SETBP1: variants seen among roughly 807,000 people sequenced by gnomAD.
The protein encoded by SETBP1 is SET-binding protein.
Under a neutral mutation model 101.0 loss-of-function variants are expected in SETBP1, and 9 were observed. The ratio of observed to expected loss-of-function variants is 0.09; its 90% CI spans 0.05 to 0.16. The LOEUF (loss-of-function observed/expected upper bound fraction) is 0.16, where lower values mean the gene tolerates loss of function less well. Ranked by LOEUF, SETBP1 falls within the 10% of genes least tolerant of loss-of-function variation. The pLI, the probability that SETBP1 is intolerant of heterozygous loss-of-function variation, is 1.00. For synonymous variants in SETBP1, 818 were observed against 788.5 expected (o/e 1.04, Z -0.63); for missense variants, 1,858 against 2,033.8 (o/e 0.91, Z 1.66).
rs2071407553 is a variant in SETBP1, at chr18:44,953,262, A to G, written c.3922A>G (p.Thr1308Ala). Residue 1308 changes from threonine (T) to alanine (A), a missense_variant, in exon 4 of 6, where the codon ACG (threonine) becomes GCG (alanine). By Grantham distance (58) the Thr-to-Ala change is moderately conservative (BLOSUM62 0). Coordinates refer to ENST00000649279, the MANE Select transcript of SETBP1 (RefSeq NM_015559.3). ...SKRRSYEGFGTYREKDIQAFK... is the reference protein window; with the variant it reads ...SKRRSYEGFGAYREKDIQAFK... ...AAGGAGGAGCTATGAAGGCTTTGGAACGTACAGGGAAAAGGACATCCAAGC... is the reference window on the plus strand; with the variant it reads ...AAGGAGGAGCTATGAAGGCTTTGGAGCGTACAGGGAAAAGGACATCCAAGC... 1 of 1,614,096 alleles carries G rather than the reference A, an allele frequency of 6.2e-7. No individual in the cohort carries two copies. The highest frequency in any genetic ancestry group is 8.5e-7 in the Non-Finnish European group (1 of 1,180,026).
At chr18:45,037,978 G>A (rs770683913) in intron 4 of SETBP1, among the ~76,000 whole-genome samples, 1 of 152,108 alleles carries the variant, frequency 6.6e-6, no homozygotes, top group Non-Finnish European at 1.5e-5. Flanking sequence ...TTTCAACACT[G>A]ATCTCTCCAT....
chr18:44,784,004 C>T (rs2071189039), intron 2 of SETBP1, among the ~76,000 whole-genome samples: 1 of 152,186 alleles, frequency 6.6e-6, no homozygotes, highest in Non-Finnish European at 1.5e-5. Flanking sequence ...GCCACCCTTG[C>T]CTGATAGGCT....
intron 3 of SETBP1, among the ~76,000 whole-genome samples, chr18:44,888,478 G>A (rs982942056): frequency 6.6e-6 from 1 of 152,086 alleles, no homozygotes; most frequent in African/African-American, 2.4e-5. Flanking sequence ...CAAGCCTTAT[G>A]AATTGAATTG....
At chr18:44,913,787 T>C (rs889594525) in intron 3 of SETBP1, among the ~76,000 whole-genome samples, 17 of 152,230 alleles carry the variant, frequency 1.1e-4, no homozygotes, top group Non-Finnish European at 1.9e-4. Flanking sequence ...CATCTTTGAA[T>C]GGCCCACAGT....
At chr18:44,714,835 C>A (rs1459382844) in intron 2 of SETBP1, among the ~76,000 whole-genome samples, 3 of 152,052 alleles carry the variant, frequency 2.0e-5, no homozygotes, top group African/African-American at 7.2e-5. Context: ...AATATGTGAT[C>A]CAGATGATAG....
rs183396653 is a variant in SETBP1 at position 44,750,000 on chromosome 18, A to T, written c.486+48168A>T. On this transcript the variant is annotated intron_variant, in intron 2 of 5. Transcript: ENST00000649279. ...GTGAAGGACTCATAAATGATGCAAGATTGAGTTAAGGCTTGAAGAACAGGA... is the reference window on the plus strand; with the variant it reads ...GTGAAGGACTCATAAATGATGCAAGTTTGAGTTAAGGCTTGAAGAACAGGA... Among the ~76,000 whole-genome samples, 295 of 152,298 alleles carry T rather than the reference A, an allele frequency of 1.9e-3. 4 individuals are homozygous for T. The highest frequency in any genetic ancestry group is 6.7e-3 in the African/African-American group (277 of 41,562).
At chr18:44,924,497 T>TA (rs2070653742) in intron 3 of SETBP1, among the ~76,000 whole-genome samples, 1 of 152,210 alleles carries the variant, frequency 6.6e-6, no homozygotes, top group Non-Finnish European at 1.5e-5. Flanking sequence ...GTGTATACCC[T>TA]TTATCATATT....
At chr18:44,969,142 A>C (rs534273375) in intron 4 of SETBP1, among the ~76,000 whole-genome samples, 1 of 152,320 alleles carries the variant, frequency 6.6e-6, no homozygotes, top group South Asian at 2.1e-4. Context: ...TCTTTCTCTC[A>C]TTAAAAAATA....
rs1304710077 is a variant in SETBP1 at position 44,951,177 on chromosome 18, A to G, written c.1837A>G (p.Ile613Val). ...EGTSTSPVSPISREFPGTKKR... is the reference protein window; with the variant it reads ...EGTSTSPVSPVSREFPGTKKR... The stretch of plus-strand genomic sequence containing the variant: ...AACTTCCACCAGCCCCGTCAGTCCC[A>G]TCAGCCGAGAGTTTCCTGGCACTAA... The change falls in exon 4 of 6, where the codon ATC (isoleucine) becomes GTC (valine). Residue 613 changes from isoleucine to valine, a missense_variant. Ile to Val is a conservative substitution (Grantham distance 29). This residue lies in a region of SETBP1 where 111 missense variants were observed against 119.3 expected (regional missense o/e 0.93). Transcript: ENST00000649279. This position sits in a 1 kb window ranked among gnomAD's most constrained non-coding sequence, Gnocchi z 7.8. The G allele has an allele frequency of 6.2e-7, 1 of 1,614,176 alleles. No individual in the cohort carries two copies. The highest frequency in any genetic ancestry group is 8.5e-7 in the Non-Finnish European group (1 of 1,180,022).
chr18:45,001,336 A>G (rs912543315), intron 4 of SETBP1, among the ~76,000 whole-genome samples: 19 of 152,220 alleles, frequency 1.2e-4, no homozygotes, highest in Non-Finnish European at 2.4e-4. Context: ...TAATGCCTGA[A>G]AAGCTCTTAG....
intron 4 of SETBP1, among the ~76,000 whole-genome samples, chr18:45,020,657 C>A (rs115693235): frequency 6.6e-6 from 1 of 152,144 alleles, no homozygotes; most frequent in African/African-American, 2.4e-5. Context: ...GTAACATGCT[C>A]AAACTCATAG....
intron 2 of SETBP1, among the ~76,000 whole-genome samples, chr18:44,811,132 G>A (rs1348193295): frequency 6.6e-6 from 1 of 152,174 alleles, no homozygotes; most frequent in Non-Finnish European, 1.5e-5. Flanking sequence ...GTCTTTTGCA[G>A]ACAGCTTGCC....
intron 4 of SETBP1, among the ~76,000 whole-genome samples, chr18:45,020,109 C>T (rs12967290): frequency 0.38 from 56,895 of 151,210 alleles, 11,482 homozygotes; most frequent in East Asian, 0.53. Context: ...GGTCTTCAGC[C>T]GTGGACAGTT....
At chr18:44,866,733 CT>C (rs2069137829) in intron 2 of SETBP1, among the ~76,000 whole-genome samples, 1 of 152,204 alleles carries the variant, frequency 6.6e-6, no homozygotes, top group African/African-American at 2.4e-5. Flanking sequence ...TCATCCCAGC[CT>C]TTTATTTTCC....
chr18:44,809,507 G>A (rs2071814495), intron 2 of SETBP1, among the ~76,000 whole-genome samples: 1 of 152,140 alleles, frequency 6.6e-6, no homozygotes, highest in Non-Finnish European at 1.5e-5. Context: ...GAACTGTGAG[G>A]GGAAGGGATA....
intron 4 of SETBP1, among the ~76,000 whole-genome samples, chr18:45,016,829 G>C (rs2072956262): frequency 6.7e-6 from 1 of 148,336 alleles, no homozygotes; most frequent in Admixed American, 6.8e-5. Context: ...TTCCCCGGAG[G>C]GCCAGTGACT....
chr18:44,944,095 A>T (rs549947190), intron 3 of SETBP1, among the ~76,000 whole-genome samples: 16 of 152,030 alleles, frequency 1.1e-4, no homozygotes, highest in African/African-American at 3.9e-4. Flanking sequence ...CAGCCTCCCA[A>T]AGTGCTGGGA....
chr18:44,803,160 A>G (rs909020258), intron 2 of SETBP1, among the ~76,000 whole-genome samples: 1 of 152,168 alleles, frequency 6.6e-6, no homozygotes, highest in Non-Finnish European at 1.5e-5. Flanking sequence ...AACCGAGAGT[A>G]ATGACTTTGG....
chr18:45,063,619 A>C lies in SETBP1; in HGVS notation c.4712A>C (p.Gln1571Pro). The change falls in exon 6 of 6, where the codon CAG becomes CCG. Residue 1571 changes from glutamine to proline, a missense_variant. Around this residue, in one of 12 missense-constraint regions of SETBP1, gnomAD observed 178 missense variants for 189.1 expected, o/e 0.94. Coordinates refer to ENST00000649279, the MANE Select transcript of SETBP1 (RefSeq NM_015559.3). ...CCCCCACAGCAGTCGCCCCCGCAGC[A>C]GCCCCTTCCCCAGGAAGAGGAGGTG... The part of the protein sequence containing the change: ...AQPPQQSPPQ[Q>P]PLPQEEEVKA... The C allele has an allele frequency of 6.4e-7, 1 of 1,569,694 alleles. No homozygotes were observed. The highest frequency in any genetic ancestry group is 8.7e-7 in the Non-Finnish European group (1 of 1,153,814).
Sources: allele counts gnomAD v4.1 joint callset (sites outside exome capture counted in the v4.1 genomes callset), GRCh38; gene constraint gnomAD v4.1.1; regional missense constraint gnomAD v4.1.1; non-coding constraint Gnocchi (gnomAD v3.1); transcripts MANE v1.5; gene names NCBI Gene and HGNC (gene_info 2026-07-23, HGNC 2026-07-21).